MRAS: variants seen among roughly 807,000 people sequenced by gnomAD.
MRAS encodes muscle RAS oncogene homolog.
Under a neutral mutation model 20.9 loss-of-function variants are expected in MRAS, and 4 were observed. The ratio of observed to expected loss-of-function variants is 0.19; its 90% CI spans 0.09 to 0.44. The LOEUF (loss-of-function observed/expected upper bound fraction) is 0.44, where lower values mean the gene tolerates loss of function less well. Among genes scored for constraint, MRAS ranks in the 20% least tolerant of loss-of-function variants. MRAS has a pLI of 0.99. For missense variants in MRAS, 154 were observed against 277.5 expected (o/e 0.56, Z 3.16); for synonymous variants, 98 against 102.9 (o/e 0.95, Z 0.29).
At chr3:138,348,981 C>G (rs2054171094) in intron 1 of MRAS, 1 of 152,064 alleles carries the variant, frequency 6.6e-6, no homozygotes, top group Non-Finnish European at 1.5e-5. Flanking sequence ...TCGGCCACGA[C>G]CAAGACCCCA....
intron 1 of MRAS, among the ~76,000 whole-genome samples, chr3:138,351,284 A>G (rs1320644916): frequency 6.6e-6 from 1 of 152,194 alleles, no homozygotes; most frequent in Non-Finnish European, 1.5e-5. Flanking sequence ...AAGCATACTC[A>G]TGTGAACTGA....
chr3:138,374,205 C>A (rs1272809502), intron 2 of MRAS, among the ~76,000 whole-genome samples: 1 of 152,022 alleles, frequency 6.6e-6, no homozygotes, highest in African/African-American at 2.4e-5. Flanking sequence ...TCGTGATCCG[C>A]CTGCCTCAGC....
intron 1 of MRAS, among the ~76,000 whole-genome samples, chr3:138,356,660 C>T (rs1225559396): frequency 1.3e-5 from 2 of 152,152 alleles, no homozygotes; most frequent in Non-Finnish European, 2.9e-5. Context: ...GATCACTGTC[C>T]CGAAGACTTG....
intron 2 of MRAS, 147 bp from the exon 3 acceptor site, chr3:138,397,177 T>TAGAG (rs2055254227): frequency 1.0e-6 from 1 of 961,092 alleles, no homozygotes; most frequent in Admixed American, 2.6e-5. Context: ...CGAGCAGCCC[T>TAGAG]AGAGAGAGAG....
chr3:138,371,639 C>T (rs1266838915), intron 1 of MRAS, among the ~76,000 whole-genome samples: 1 of 152,142 alleles, frequency 6.6e-6, no homozygotes, highest in South Asian at 2.1e-4. Context: ...TTAAGCTTTC[C>T]CTCCCTCGAT....
intron 1 of MRAS, among the ~76,000 whole-genome samples, chr3:138,356,308 G>A (rs1475572410): frequency 6.6e-6 from 1 of 152,202 alleles, no homozygotes; most frequent in Non-Finnish European, 1.5e-5. Context: ...GGATTCAGGA[G>A]ACTCCCCCAC....
At chr3:138,387,209 C>T (rs1180397596) in intron 2 of MRAS, among the ~76,000 whole-genome samples, 1 of 152,164 alleles carries the variant, frequency 6.6e-6, no homozygotes, top group South Asian at 2.1e-4. Flanking sequence ...GATGCTCAGG[C>T]CTTTAAAGGG....
chr3:138,398,557 A>G lies in MRAS; in HGVS notation c.436A>G (p.Thr146Ala). The change falls in exon 4 of 6, where the codon ACC becomes GCC. Residue 146 changes from threonine to alanine, a missense_variant. Thr to Ala is a moderately conservative substitution (Grantham distance 58). Around this residue, in one of 3 missense-constraint regions of MRAS, gnomAD observed 125 missense variants for 213.5 expected, o/e 0.59. Transcript: ENST00000423968. The part of the protein sequence containing the change: ...ITREQGKEMA[T>A]KHNIPYIETS... ...CAGGGAGCAAGGAAAAGAAATGGCG[A>G]CCAAACACAATGTAGGTGTGTGCGT... 6.2e-7 allele frequency: 1 copy of G among 1,614,140 alleles called. No individual in the cohort carries two copies. The highest frequency in any genetic ancestry group is 1.1e-5 in the South Asian group (1 of 91,078).
In MRAS at chr3:138,402,519, C is replaced by A. The variant is rs138276815; in HGVS notation, c.*250C>A. The stretch of plus-strand genomic sequence containing the variant: ...GCAGCATCCAAGTGCCCCTGGCCCC[C>A]CCATGTGTTGATTCAACCCGGTTCC... On this transcript the variant is annotated 3_prime_UTR_variant, in exon 6 of 6. Coordinates refer to ENST00000423968, the MANE Select transcript of MRAS (RefSeq NM_001085049.3). 17 of 434,620 alleles carry A rather than the reference C, an allele frequency of 3.9e-5. No homozygotes were observed. The South Asian group carries it at 4.0e-4, about 10-fold the overall frequency. The allele number at this position is 434,620 out of a possible 1,614,324, so 26.9% of individuals were successfully genotyped here.
At chr3:138,348,884 C>G (rs954795048) in intron 1 of MRAS, 117 bp downstream of exon 1, 2 of 152,026 alleles carry the variant, frequency 1.3e-5, no homozygotes, top group African/African-American at 2.4e-5. Context: ...GCCGCGCTCT[C>G]CGCTTGCGGG....
chr3:138,399,060 G>A (rs901259962), intron 4 of MRAS, among the ~76,000 whole-genome samples: 3 of 152,230 alleles, frequency 2.0e-5, no homozygotes, highest in Non-Finnish European at 4.4e-5. Context: ...TGCCATGGCC[G>A]GATTTGGTGT....
intron 2 of MRAS, among the ~76,000 whole-genome samples, chr3:138,386,415 T>C (rs1437076878): frequency 6.6e-6 from 1 of 152,214 alleles, no homozygotes; most frequent in Non-Finnish European, 1.5e-5. Context: ...TTTTACAGGT[T>C]CGTGCTGCTG....
chr3:138,375,580 G>A (rs2054767200), intron 2 of MRAS, among the ~76,000 whole-genome samples: 1 of 152,148 alleles, frequency 6.6e-6, no homozygotes, highest in Non-Finnish European at 1.5e-5. Flanking sequence ...CATGATCAAG[G>A]CTCACCACAG....
intron 2 of MRAS, among the ~76,000 whole-genome samples, chr3:138,378,994 T>C (rs1344769273): frequency 6.6e-6 from 1 of 152,188 alleles, no homozygotes; most frequent in Non-Finnish European, 1.5e-5. Flanking sequence ...GTAATTAGCA[T>C]ATCCATCACC....
chr3:138,396,436 G>T (rs574710100), intron 2 of MRAS, among the ~76,000 whole-genome samples: 9 of 152,176 alleles, frequency 5.9e-5, no homozygotes, highest in Non-Finnish European at 1.3e-4. Flanking sequence ...CAGGGGGACT[G>T]GGAAGACGCA....
chr3:138,384,719 C>T (rs548324973), intron 2 of MRAS, among the ~76,000 whole-genome samples: 1 of 152,076 alleles, frequency 6.6e-6, no homozygotes, highest in South Asian at 2.1e-4. Context: ...TGAGAGATCA[C>T]CAAGAATGTG....
chr3:138,373,033 C>T lies in MRAS; in HGVS notation c.150C>T (p.Tyr50=). The T allele has an allele frequency of 6.5e-7, 1 of 1,531,518 alleles. No homozygotes were observed. The highest frequency in any genetic ancestry group is 8.8e-7 in the Non-Finnish European group (1 of 1,142,472). The allele number at this position is 1,531,518 out of a possible 1,614,324, so 94.9% of individuals were successfully genotyped here. ...PDYDPTIEDS[Y]LKHTEIDNQW... ...ATGACCCCACCATTGAAGACTCCTA[C>T]CTGAAACATACGGAGATTGACAATC... The change falls in exon 2 of 6, where the codon TAC becomes TAT. Residue 50 remains tyrosine (Y), a synonymous_variant. Coordinates refer to ENST00000423968, the MANE Select transcript of MRAS (RefSeq NM_001085049.3).
intron 1 of MRAS, among the ~76,000 whole-genome samples, chr3:138,354,701 A>T (rs2054294923): frequency 6.6e-6 from 1 of 152,224 alleles, no homozygotes; most frequent in Non-Finnish European, 1.5e-5. Flanking sequence ...CTGAACTGTA[A>T]TATTAATGAT....
At chr3:138,385,925 G>A (rs2055003019) in intron 2 of MRAS, among the ~76,000 whole-genome samples, 1 of 152,160 alleles carries the variant, frequency 6.6e-6, no homozygotes, top group African/African-American at 2.4e-5. Flanking sequence ...CAGTGTCCTC[G>A]AACAGGTGGC....
Sources: gnomAD v4.1 joint callset for allele counts (sites outside exome capture counted in the v4.1 genomes callset) on GRCh38, gnomAD v4.1.1 for gene constraint, gnomAD v4.1.1 regional missense constraint, MANE v1.5 for transcripts, NCBI Gene and HGNC (gene_info 2026-07-23, HGNC 2026-07-21) for gene names.